MMS19: variants seen among roughly 807,000 people sequenced by gnomAD.
The protein encoded by MMS19 is MMS19 nucleotide excision repair protein homolog.
In MMS19, 77 loss-of-function variants were observed where a neutral mutation model predicts 129.8. The ratio of observed to expected loss-of-function variants is 0.59; its 90% confidence interval spans 0.49 to 0.72. MMS19 has a LOEUF of 0.72. Ranked by LOEUF, MMS19 falls within the 30% of genes least tolerant of loss-of-function variation. The probability of loss-of-function intolerance (pLI) is 0.00; values close to 1 mark genes in which losing one functional copy is unlikely to be tolerated. For missense variants in MMS19, 1,168 were observed against 1,266.3 expected (o/e 0.92, Z 1.18); for synonymous variants, 491 against 502.8 (o/e 0.98, Z 0.31).
intron 10 of MMS19, 137 bp downstream of exon 10, chr10:97,469,992 C>A (rs981879100): frequency 8.7e-6 from 6 of 690,910 alleles, no homozygotes; most frequent in Non-Finnish European, 1.5e-5. Context: ...GGCTTCAGGT[C>A]GACACAAAGG....
chr10:97,497,855 A>G (rs990512438), intron 1 of MMS19, among the ~76,000 whole-genome samples: 2 of 152,060 alleles, frequency 1.3e-5, no homozygotes, highest in African/African-American at 4.8e-5. Flanking sequence ...ACGCGACGGG[A>G]GCGGACGCTG....
At chr10:97,466,975 G>A in intron 14 of MMS19, 74 bp from the exon 15 acceptor site, 1 of 1,573,732 alleles carries the variant, frequency 6.4e-7, no homozygotes. Context: ...GTGATACACA[G>A]CCAACCTGGG....
Position 97,458,676 on chromosome 10 carries a change from G to A in MMS19, c.*16C>T, listed in dbSNP as rs769352318. 4 of 1,603,810 alleles carry A rather than the reference G, an allele frequency of 2.5e-6. No individual in the cohort carries two copies. Among genetic ancestry groups the A allele is most frequent in the East Asian group, 2.2e-5 (1 of 44,466 alleles). On this transcript the variant is annotated 3_prime_UTR_variant, in exon 31 of 31. Coordinates refer to ENST00000438925, the MANE Select transcript of MMS19 (RefSeq NM_022362.5). ...CAGGTTAGATTGTCAGAACAGTCTA[G>A]GCCAGGACTGAGGGCTCAGCTGCCA...
Position 97,463,910 on chromosome 10 carries a change from G to A in MMS19, c.1860C>T (p.His620=), listed in dbSNP as rs773629734. 22 of 1,612,494 alleles carry A rather than the reference G, an allele frequency of 1.4e-5. No individual in the cohort carries two copies. Among genetic ancestry groups the A allele is most frequent in the Non-Finnish European group, 1.7e-5 (20 of 1,179,288 alleles). ...CAAGCAGGCAAGGTATAGCTGTCTG[G>A]TGGAAATACCAGCAACTCTCAGGGT... The part of the protein sequence containing the change: ...QQDPESCWYF[H]QTAIPCLLAL... The change falls in exon 19 of 31, where the codon CAC becomes CAT. Residue 620 remains histidine (H), a synonymous_variant. Transcript: ENST00000438925.
At chr10:97,468,556 C>G in intron 12 of MMS19, 150 bp from the exon 13 acceptor site, 1 of 676,600 alleles carries the variant, frequency 1.5e-6, no homozygotes. Context: ...GCTATCGCCC[C>G]CAAATCACCA....
chr10:97,495,566 C>T (rs1330866992), intron 1 of MMS19, among the ~76,000 whole-genome samples: 1 of 152,224 alleles, frequency 6.6e-6, no homozygotes, highest in African/African-American at 2.4e-5. Flanking sequence ...TTCAACAACC[C>T]TAACTAGGGC....
intron 1 of MMS19, 52 bp downstream of exon 1, chr10:97,498,221 G>GCT: frequency 6.7e-7 from 1 of 1,490,276 alleles, no homozygotes; most frequent in South Asian, 1.2e-5. Context: ...TACTGAGGCC[G>GCT]CTCCCTCCTG....
In MMS19 at chr10:97,462,617, C is replaced by A; in HGVS notation, c.1978G>T (p.Val660Phe). The A allele has an allele frequency of 1.9e-6, 3 of 1,613,928 alleles. No individual in the cohort carries two copies. The highest frequency in any genetic ancestry group is 2.5e-6 in the Non-Finnish European group (3 of 1,179,850). ...AGGTGGGTTGTAGCAGTGCCAATGACAGACACCATGGCAGCCAACACCTCA... is the reference window on the plus strand; with the variant it reads ...AGGTGGGTTGTAGCAGTGCCAATGAAAGACACCATGGCAGCCAACACCTCA... ...EDEVLAAMVS[V>F]IGTATTHLSP... Residue 660 changes from valine to phenylalanine, a missense_variant, in exon 20 of 31, where the codon GTC becomes TTC. Coordinates refer to ENST00000438925, the MANE Select transcript of MMS19 (RefSeq NM_022362.5).
chr10:97,467,286 G>A (rs1473220637), intron 14 of MMS19, among the ~76,000 whole-genome samples: 1 of 152,122 alleles, frequency 6.6e-6, no homozygotes, highest in Non-Finnish European at 1.5e-5. Flanking sequence ...GCCTCCTGGG[G>A]CAGATTTAAA....
intron 1 of MMS19, among the ~76,000 whole-genome samples, chr10:97,487,526 A>G (rs1397865814): frequency 6.6e-6 from 1 of 151,962 alleles, no homozygotes; most frequent in Non-Finnish European, 1.5e-5. Flanking sequence ...TCACCGTGTT[A>G]GCCAGGATGG....
At position 97,462,637 on chromosome 10, in the gene MMS19, A is replaced by G. The variant is rs781396986; in HGVS notation, c.1958T>C (p.Val653Ala). ...VLRKVLLEDE[V>A]LAAMVSVIGT... ...AATGACAGACACCATGGCAGCCAAC[A>G]CCTCATCCTCCAATAGTACTTTTCT... is the stretch of plus-strand genomic sequence containing the variant. Residue 653 changes from valine (V) to alanine (A), a missense_variant, in exon 20 of 31, where the codon GTG becomes GCG. Val to Ala is a moderately conservative substitution (Grantham distance 64). Coordinates refer to ENST00000438925, the MANE Select transcript of MMS19 (RefSeq NM_022362.5). 1.4e-5 allele frequency: 23 copies of G among 1,613,726 alleles called. No homozygotes were observed. Among genetic ancestry groups the G allele is most frequent in the Non-Finnish European group, 1.9e-5 (23 of 1,179,868 alleles).
chr10:97,472,137 C>A (rs1244436377), intron 8 of MMS19, among the ~76,000 whole-genome samples: 1 of 152,126 alleles, frequency 6.6e-6, no homozygotes, highest in Non-Finnish European at 1.5e-5. Context: ...CGGGGTGAAC[C>A]AAACATCAGT....
Position 97,460,072 on chromosome 10 carries a change from A to C in MMS19, c.2630T>G (p.Val877Gly). 6.2e-7 allele frequency: 1 copy of C among 1,613,998 alleles called. No homozygotes were observed. Among genetic ancestry groups the C allele is most frequent in the Non-Finnish European group, 8.5e-7 (1 of 1,179,872 alleles). The change falls in exon 26 of 31, where the codon GTC becomes GGC. Residue 877 changes from valine to glycine, a missense_variant. Coordinates refer to ENST00000438925, the MANE Select transcript of MMS19 (RefSeq NM_022362.5). ...RFFTDNVPALVQGFHAAPQDV... is the reference protein window; with the variant it reads ...RFFTDNVPALGQGFHAAPQDV... The stretch of plus-strand genomic sequence containing the variant: ...TTGGGGAGCAGCATGGAAGCCCTGG[A>C]CCAAAGCAGGCACATTATCTGTGAA...
At chr10:97,487,956 C>T (rs557212890) in intron 1 of MMS19, among the ~76,000 whole-genome samples, 4 of 151,954 alleles carry the variant, frequency 2.6e-5, no homozygotes, top group Non-Finnish European at 4.4e-5. Context: ...TGTGTGGTGG[C>T]GCATGCCTGT....
At chr10:97,461,973 T>TAA in intron 21 of MMS19, 44 bp downstream of exon 21, 2 of 1,530,612 alleles carry the variant, frequency 1.3e-6, no homozygotes, top group East Asian at 2.4e-5. Context: ...AGATTAGCCC[T>TAA]AAAAAAAAAC....
intron 1 of MMS19, among the ~76,000 whole-genome samples, chr10:97,487,758 A>C (rs1178455418): frequency 6.6e-6 from 1 of 152,376 alleles, no homozygotes; most frequent in South Asian, 2.1e-4. Flanking sequence ...TTATAACAAA[A>C]GGCCAGTTTC....
upstream of MMS19, chr10:97,498,608 T>C (rs2040248723): frequency 3.1e-5 from 17 of 551,948 alleles, no homozygotes; most frequent in South Asian, 3.4e-4. Context: ...CCGGAGGCGA[T>C]TGAGGGCGAA....
chr10:97,469,752 T>C (rs761267992), intron 10 of MMS19, 29 bp from the exon 11 acceptor site: 100 of 1,599,972 alleles, frequency 6.3e-5, no homozygotes, highest in South Asian at 4.5e-4. Flanking sequence ...CTATCAGTTA[T>C]GTACACACTC....
upstream of MMS19, chr10:97,498,683 G>A (rs1258568147): frequency 2.3e-6 from 1 of 438,552 alleles, no homozygotes; most frequent in African/African-American, 2.1e-5. Context: ...GTGGGGAGAG[G>A]GGCGGTACGC....
Sources: gnomAD v4.1 joint callset for allele counts (sites outside exome capture counted in the v4.1 genomes callset) on GRCh38, gnomAD v4.1.1 for gene constraint, MANE v1.5 for transcripts, NCBI Gene and HGNC (gene_info 2026-07-23, HGNC 2026-07-21) for gene names.